Variants in NIPBL observed in about 807,000 individuals in gnomAD.
NIPBL encodes nipped-B-like protein.
Under a neutral mutation model 321.8 loss-of-function variants are expected in NIPBL, and 19 were observed. The observed-to-expected ratio is 0.06, with a 90% CI of 0.04 to 0.09. The LOEUF (loss-of-function observed/expected upper bound fraction) is 0.09, where lower values mean the gene tolerates loss of function less well. NIPBL is among the 10% of genes least tolerant of loss of function. The pLI, the probability that NIPBL is intolerant of heterozygous loss-of-function variation, is 1.00. For synonymous variants in NIPBL, 1,106 were observed against 1,114.1 expected (o/e 0.99, Z 0.14); for missense variants, 2,210 against 3,327.0 (o/e 0.66, Z 8.26).
intron 1 of NIPBL, among the ~76,000 whole-genome samples, chr5:36,912,790 G>A (rs530657039): frequency 3.3e-5 from 5 of 152,200 alleles, no homozygotes; most frequent in South Asian, 4.1e-4. Context: ...GTGAGCCACC[G>A]CGCCCGGTGT....
At chr5:36,976,494 AT>A in intron 9 of NIPBL, 92 bp downstream of exon 9, 1 of 1,240,532 alleles carries the variant, frequency 8.1e-7, no homozygotes, top group African/African-American at 1.5e-5. Context: ...TTTCCCGAAT[AT>A]TTTGTATAAT....
At chr5:36,889,761 G>T (rs1746179564) in intron 1 of NIPBL, among the ~76,000 whole-genome samples, 1 of 152,038 alleles carries the variant, frequency 6.6e-6, no homozygotes, top group South Asian at 2.1e-4. Flanking sequence ...TTATAATTCA[G>T]TAACAATCCA....
intron 10 of NIPBL, among the ~76,000 whole-genome samples, chr5:36,992,611 C>A (rs1023995594): frequency 6.6e-6 from 1 of 152,042 alleles, no homozygotes; most frequent in Non-Finnish European, 1.5e-5. Context: ...AACTCCTGAG[C>A]TGAAATGATC....
At chr5:36,997,197 T>TA (rs1393622016) in intron 11 of NIPBL, among the ~76,000 whole-genome samples, 7 of 152,132 alleles carry the variant, frequency 4.6e-5, no homozygotes, top group Admixed American at 2.6e-4. Context: ...ATACATGCCT[T>TA]ACCACTCTGC....
At chr5:37,025,130 A>G (rs973930896) in intron 30 of NIPBL, among the ~76,000 whole-genome samples, 10 of 152,188 alleles carry the variant, frequency 6.6e-5, no homozygotes, top group Admixed American at 2.6e-4. Context: ...GAGCATGCCT[A>G]TAGTTCCAGC....
Position 36,938,254 on chromosome 5 carries a change from C to G in NIPBL, c.-79-15364C>G, listed in dbSNP as rs149260124. On this transcript the variant is annotated intron_variant, in intron 1 of 46. Transcript: ENST00000282516. ...AGGGTTGAGAGACTGTAGTTTTAGG[C>G]CAGTACGTATTGAAGTATTTAGGGG... 8.1e-3 allele frequency among the ~76,000 whole-genome samples: 1,235 copies of G among 152,018 alleles called. 11 individuals carry two copies. Among genetic ancestry groups the G allele is most frequent in the African/African-American group, 0.028 (1,173 of 41,450 alleles).
intron 21 of NIPBL, among the ~76,000 whole-genome samples, chr5:37,014,244 A>G (rs536833080): frequency 1.3e-4 from 19 of 142,732 alleles, no homozygotes; most frequent in Non-Finnish European, 2.2e-4. Flanking sequence ...GAGAGGGAGA[A>G]GGAGAGGGAG....
chr5:36,917,237 G>T (rs1053487397), intron 1 of NIPBL, among the ~76,000 whole-genome samples: 13 of 152,188 alleles, frequency 8.5e-5, no homozygotes, highest in Non-Finnish European at 4.4e-5. Context: ...TTTCTCTGAT[G>T]ACCAGTGATG....
intron 45 of NIPBL, among the ~76,000 whole-genome samples, chr5:37,063,122 C>G (rs1350768513): frequency 6.6e-6 from 1 of 152,034 alleles, no homozygotes; most frequent in Non-Finnish European, 1.5e-5. Flanking sequence ...GCAGATCACT[C>G]GAGGCCAGAG....
At chr5:37,046,818 A>G (rs571241946) in intron 38 of NIPBL, among the ~76,000 whole-genome samples, 25 of 152,342 alleles carry the variant, frequency 1.6e-4, no homozygotes, top group East Asian at 1.3e-3. Context: ...GGTGAATGGC[A>G]TTAAAGTACC....
intron 32 of NIPBL, among the ~76,000 whole-genome samples, chr5:37,031,772 A>G (rs1751049814): frequency 6.6e-6 from 1 of 152,256 alleles, no homozygotes; most frequent in African/African-American, 2.4e-5. Flanking sequence ...CACATCAAAA[A>G]GGAACAGGGT....
intron 1 of NIPBL, among the ~76,000 whole-genome samples, chr5:36,920,889 A>ATAGTTG (rs1374821938): frequency 6.7e-6 from 1 of 150,130 alleles, no homozygotes; most frequent in Non-Finnish European, 1.5e-5. Context: ...TATTGCTGCT[A>ATAGTTG]TAGTTGTCAC....
At chr5:37,049,037 C>T in intron 39 of NIPBL, 74 bp from the exon 40 acceptor site, 2 of 1,482,628 alleles carry the variant, frequency 1.3e-6, no homozygotes, top group Middle Eastern at 1.8e-4. Flanking sequence ...TTGGTTATGG[C>T]CTAATTTTGA....
intron 45 of NIPBL, among the ~76,000 whole-genome samples, chr5:37,061,620 A>G (rs990106940): frequency 6.6e-6 from 1 of 152,196 alleles, no homozygotes; most frequent in East Asian, 1.9e-4. Context: ...CAGAGGTTAC[A>G]GTGACCTGAG....
At chr5:37,020,908 A>G in intron 27 of NIPBL, 31 bp downstream of exon 27, 1 of 1,429,154 alleles carries the variant, frequency 7.0e-7, no homozygotes, top group Non-Finnish European at 9.9e-7. Flanking sequence ...TTATACAGTG[A>G]TATTGATTTT....
chr5:36,998,627 C>A (rs942630114), intron 11 of NIPBL, among the ~76,000 whole-genome samples: 2 of 152,094 alleles, frequency 1.3e-5, no homozygotes, highest in Admixed American at 6.6e-5. Context: ...GCCTGAGCAA[C>A]ATAGCAAGAC....
rs533405311 is a variant in NIPBL, at chr5:37,050,610, A to T, written c.6955-1169A>T. Among the ~76,000 whole-genome samples the T allele has an allele frequency of 4.0e-5, 6 of 151,886 alleles. No homozygotes were observed. In the East Asian group the frequency reaches 7.7e-4, roughly 20 times the overall value. On this transcript the variant is annotated intron_variant, in intron 40 of 46. Coordinates refer to ENST00000282516, the MANE Select transcript of NIPBL (RefSeq NM_133433.4). ...TTGCTTTCTCTCTCTCCCTTTATAC[A>T]TCTGCTTTTTTCTGAATCATTTGGT...
intron 37 of NIPBL, 99 bp downstream of exon 37, chr5:37,045,696 G>A: frequency 7.9e-7 from 1 of 1,260,482 alleles, no homozygotes; most frequent in South Asian, 1.2e-5. Flanking sequence ...CAACATTAGA[G>A]TAGTCTGGTT....
intron 8 of NIPBL, 28 bp downstream of exon 8, chr5:36,972,069 G>A: frequency 6.9e-7 from 1 of 1,445,886 alleles, no homozygotes; most frequent in Non-Finnish European, 9.7e-7. Context: ...ATTTCCTTCT[G>A]TATATTTTAT....
Sources: gnomAD v4.1 joint callset for allele counts (sites outside exome capture counted in the v4.1 genomes callset) on GRCh38, gnomAD v4.1.1 for gene constraint, MANE v1.5 for transcripts, NCBI Gene and HGNC (gene_info 2026-07-23, HGNC 2026-07-21) for gene names.